Variants in PDE3B observed in about 807,000 individuals in gnomAD.
The protein encoded by PDE3B is cGMP-inhibited 3',5'-cyclic phosphodiesterase 3B.
Under a neutral mutation model 116.8 loss-of-function variants are expected in PDE3B, and 66 were observed. That is an observed-to-expected ratio of 0.56 (90% CI 0.46 to 0.69). The LOEUF (loss-of-function observed/expected upper bound fraction) is 0.69, where lower values mean the gene tolerates loss of function less well. Ranked by LOEUF, PDE3B falls within the 30% of genes least tolerant of loss-of-function variation. The probability of loss-of-function intolerance (pLI) is 0.00; values close to 1 mark genes in which losing one functional copy is unlikely to be tolerated. For missense variants in PDE3B, 1,384 were observed against 1,368.1 expected (o/e 1.01, Z -0.18); for synonymous variants, 595 against 533.6 (o/e 1.12, Z -1.59).
chr11:14,818,696 T>C (rs1859413058), intron 6 of PDE3B, among the ~76,000 whole-genome samples: 1 of 152,118 alleles, frequency 6.6e-6, no homozygotes, highest in Non-Finnish European at 1.5e-5. Flanking sequence ...TCCTTATTTA[T>C]CTAGTAGTTT....
chr11:14,892,323 T>A, the PDE3B span: 1 of 987,216 alleles, frequency 1.0e-6, no homozygotes, highest in Non-Finnish European at 1.5e-6. Context: ...CCGTGGCCAT[T>A]GGCTGACTGA....
At chr11:14,821,980 C>T (rs1045624079) in intron 7 of PDE3B, among the ~76,000 whole-genome samples, 145 of 151,236 alleles carry the variant, frequency 9.6e-4, no homozygotes, top group African/African-American at 3.3e-3. Context: ...AATCATGGCT[C>T]ACTGCAGCTT....
chr11:14,824,792 A>G (rs1216575877), intron 7 of PDE3B, among the ~76,000 whole-genome samples: 2 of 152,194 alleles, frequency 1.3e-5, no homozygotes, highest in African/African-American at 4.8e-5. Context: ...AACTCGTGCA[A>G]GATTCTACTC....
At chr11:14,812,852 G>A (rs904136253) in intron 5 of PDE3B, among the ~76,000 whole-genome samples, 5 of 152,172 alleles carry the variant, frequency 3.3e-5, no homozygotes, top group African/African-American at 9.7e-5. Flanking sequence ...CAATTCATGT[G>A]TTGAAACCTA....
Position 14,869,751 on chromosome 11 carries a change from C to A in PDE3B, c.*91C>A. The A allele has an allele frequency of 2.0e-6, 2 of 1,022,148 alleles. No homozygotes were observed. The highest frequency in any genetic ancestry group is 2.9e-6 in the Non-Finnish European group (2 of 685,804). 63.3% of individuals were successfully genotyped at this position (1,022,148 alleles called of 1,614,324 possible). On this transcript the variant is annotated 3_prime_UTR_variant, in exon 16 of 16. Coordinates refer to ENST00000282096, the MANE Select transcript of PDE3B (RefSeq NM_000922.4). ...TCATTGCCTAGTGTTCACCGGCTGA[C>A]TCTCAACTGACCATTCCCATGTGGA...
chr11:14,697,169 C>T (rs181738750), intron 1 of PDE3B, among the ~76,000 whole-genome samples: 1 of 152,202 alleles, frequency 6.6e-6, no homozygotes, highest in East Asian at 1.9e-4. Context: ...CACTCCTGGG[C>T]TCAAAGGATC....
chr11:14,871,389 T>C lies in PDE3B; in HGVS notation c.*1729T>C, dbSNP rs755439288. 6.6e-6 allele frequency: 1 copy of C among 152,150 alleles called. No individual in the cohort carries two copies. The highest frequency in any genetic ancestry group is 1.5e-5 in the Non-Finnish European group (1 of 68,004). The allele number at this position is 152,150 out of a possible 1,614,324, so 9.4% of individuals were successfully genotyped here. A position where few individuals can be genotyped will look rare whatever the true frequency, so the allele number is the denominator to read the frequency against. On this transcript the variant is annotated 3_prime_UTR_variant, in exon 16 of 16. Coordinates refer to ENST00000282096, the MANE Select transcript of PDE3B (RefSeq NM_000922.4). The stretch of plus-strand genomic sequence containing the variant: ...AATTTATATTTGCACTTACAATATA[T>C]ATATCCTGTCCTTATATTTCTCTAG...
intron 1 of PDE3B, among the ~76,000 whole-genome samples, chr11:14,706,046 A>G (rs1374545008): frequency 4.0e-5 from 6 of 151,602 alleles, no homozygotes; most frequent in African/African-American, 1.5e-4. Flanking sequence ...AAAGGATGCA[A>G]TGGCCATGTT....
At chr11:14,763,974 G>C (rs1857428311) in intron 1 of PDE3B, among the ~76,000 whole-genome samples, 1 of 152,050 alleles carries the variant, frequency 6.6e-6, no homozygotes, top group Non-Finnish European at 1.5e-5. Context: ...TCACTAAAAA[G>C]TGGTTCAAAT....
intron 15 of PDE3B, among the ~76,000 whole-genome samples, chr11:14,868,649 A>G (rs1334189085): frequency 2.0e-5 from 3 of 152,210 alleles, no homozygotes; most frequent in Admixed American, 6.5e-5. Context: ...TTATACCTAC[A>G]TAAGTATTGT....
At chr11:14,771,910 T>C (rs201526030) in intron 1 of PDE3B, 27 bp from the exon 2 acceptor site, 4 of 1,156,022 alleles carry the variant, frequency 3.5e-6, no homozygotes, top group Non-Finnish European at 1.2e-6. Flanking sequence ...ATTTTTGGTT[T>C]GTAACCAAGT....
the PDE3B span, chr11:14,885,806 G>C: frequency 6.2e-7 from 1 of 1,613,114 alleles, no homozygotes; most frequent in South Asian, 1.1e-5. Context: ...ATGAATAAAG[G>C]AAGGCATGGT....
At chr11:14,801,026 A>G (rs543730703) in intron 4 of PDE3B, among the ~76,000 whole-genome samples, 3 of 151,656 alleles carry the variant, frequency 2.0e-5, no homozygotes, top group Non-Finnish European at 4.4e-5. Context: ...TCTTCTCTAC[A>G]CTGATTATTC....
chr11:14,666,130 A>G (rs1298614204), intron 1 of PDE3B, among the ~76,000 whole-genome samples: 2 of 149,468 alleles, frequency 1.3e-5, no homozygotes, highest in East Asian at 3.9e-4. Context: ...ATAACGCCGC[A>G]TATCTACAAC....
At chr11:14,739,305 A>T (rs1856695558) in intron 1 of PDE3B, among the ~76,000 whole-genome samples, 1 of 152,140 alleles carries the variant, frequency 6.6e-6, no homozygotes, top group Admixed American at 6.5e-5. Context: ...GTTTTCCTTG[A>T]AGAGGTCCTT....
At chr11:14,691,264 A>C (rs1855034644) in intron 1 of PDE3B, among the ~76,000 whole-genome samples, 1 of 152,200 alleles carries the variant, frequency 6.6e-6, no homozygotes, top group African/African-American at 2.4e-5. Context: ...AAAGACTTAC[A>C]ATCACATAAT....
intron 1 of PDE3B, among the ~76,000 whole-genome samples, chr11:14,657,220 C>T (rs1853739269): frequency 6.6e-6 from 1 of 152,152 alleles, no homozygotes; most frequent in African/African-American, 2.4e-5. Context: ...ACCCATAATT[C>T]TTCCTTCACA....
At chr11:14,758,100 G>T (rs1264947829) in intron 1 of PDE3B, among the ~76,000 whole-genome samples, 1 of 152,060 alleles carries the variant, frequency 6.6e-6, no homozygotes, top group East Asian at 1.9e-4. Flanking sequence ...GTTTGTCAAA[G>T]ATCAGATAGT....
At position 14,789,163 on chromosome 11, in the gene PDE3B, G is replaced by A; in HGVS notation, c.1336G>A (p.Gly446Arg). 6.2e-7 allele frequency: 1 copy of A among 1,611,122 alleles called. No individual in the cohort carries two copies. Among genetic ancestry groups the A allele is most frequent in the East Asian group, 2.2e-5 (1 of 44,810 alleles). ...PQLRRSSGTS[G>R]LLPVEQSSRW... Reference sequence around the variant, plus strand: ...GCTGAGGAGAAGCTCAGGAACTTCAGGATTGCTACCTGTTGAACAGTCTTC... The same window carrying A: ...GCTGAGGAGAAGCTCAGGAACTTCAAGATTGCTACCTGTTGAACAGTCTTC... The change falls in exon 4 of 16, where the codon GGA (glycine) becomes AGA (arginine). Residue 446 changes from glycine (G) to arginine (R), a missense_variant. Physicochemically the swap from Gly to Arg is moderately radical, Grantham distance 125. Around this residue, in one of 2 missense-constraint regions of PDE3B, gnomAD observed 956 missense variants for 806.8 expected, o/e 1.18. Coordinates refer to ENST00000282096, the MANE Select transcript of PDE3B (RefSeq NM_000922.4).
Sources: allele counts gnomAD v4.1 joint callset (sites outside exome capture counted in the v4.1 genomes callset), GRCh38; gene constraint gnomAD v4.1.1; regional missense constraint gnomAD v4.1.1; transcripts MANE v1.5; gene names NCBI Gene and HGNC (gene_info 2026-07-23, HGNC 2026-07-21).